CNTN1: variants seen among roughly 807,000 people sequenced by gnomAD.
CNTN1 encodes contactin-1.
In CNTN1, 38 loss-of-function variants were observed where a neutral mutation model predicts 126.4. The observed-to-expected ratio is 0.30, with a 90% CI of 0.23 to 0.39. The LOEUF is 0.39. Ranked by LOEUF, CNTN1 falls within the 10% of genes least tolerant of loss-of-function variation. CNTN1 has a pLI of 1.00. For synonymous variants in CNTN1, 413 were observed against 422.6 expected (o/e 0.98, Z 0.28); for missense variants, 1,009 against 1,248.4 (o/e 0.81, Z 2.89).
intron 15 of CNTN1, among the ~76,000 whole-genome samples, chr12:40,966,495 C>T (rs1047233369): frequency 6.6e-6 from 1 of 151,946 alleles, no homozygotes; most frequent in Non-Finnish European, 1.5e-5. Flanking sequence ...TTGTAATACA[C>T]AAAAGCTAAA....
At chr12:40,819,862 CCAGCTGGGT>C (rs1241432732) in intron 1 of CNTN1, among the ~76,000 whole-genome samples, 2 of 152,176 alleles carry the variant, frequency 1.3e-5, no homozygotes, top group East Asian at 3.9e-4. Context: ...GACAGTTTAC[CCAGCTGGGT>C]ATCGTGCTCA....
chr12:40,908,382 A>C lies in CNTN1; in HGVS notation c.-51A>C. ...GTGTTTAAAATTATCCAACTGCCAT[A>C]GAGCTAAATTCTTTTTTGGAAAATT... On this transcript the variant is annotated 5_prime_UTR_variant, in exon 2 of 24. An upstream open reading frame in the 5' UTR loses its in-frame stop. Coordinates refer to ENST00000551295, the MANE Select transcript of CNTN1 (RefSeq NM_001843.4). 3.4e-5 allele frequency: 47 copies of C among 1,392,030 alleles called. No homozygotes were observed. Among genetic ancestry groups the C allele is most frequent in the Non-Finnish European group, 4.4e-5 (43 of 979,290 alleles). The allele number at this position is 1,392,030 out of a possible 1,614,324, so 86.2% of individuals were successfully genotyped here.
intron 1 of CNTN1, among the ~76,000 whole-genome samples, chr12:40,813,399 G>A (rs1941157072): frequency 1.3e-5 from 2 of 151,786 alleles, no homozygotes; most frequent in African/African-American, 4.8e-5. Flanking sequence ...TTGTGTCCAC[G>A]TGTTCTCAAT....
At chr12:40,816,197 A>G (rs975674684) in intron 1 of CNTN1, among the ~76,000 whole-genome samples, 1 of 151,972 alleles carries the variant, frequency 6.6e-6, no homozygotes, top group South Asian at 2.1e-4. Flanking sequence ...CTCCTTTTCA[A>G]TTGTTTGGAA....
intron 1 of CNTN1, among the ~76,000 whole-genome samples, chr12:40,863,456 G>T (rs755157532): frequency 2.0e-5 from 3 of 152,082 alleles, no homozygotes; most frequent in Non-Finnish European, 4.4e-5. Flanking sequence ...AGGTTTATTG[G>T]CTATTCACAT....
intron 1 of CNTN1, among the ~76,000 whole-genome samples, chr12:40,728,559 A>T (rs1203025227): frequency 1.3e-5 from 2 of 152,192 alleles, no homozygotes; most frequent in East Asian, 3.8e-4. Context: ...TTGGCTATCC[A>T]CATTCTATAG....
At chr12:40,992,757 C>T (rs2120501070) in intron 16 of CNTN1, among the ~76,000 whole-genome samples, 1 of 152,186 alleles carries the variant, frequency 6.6e-6, no homozygotes, top group Admixed American at 6.5e-5. Flanking sequence ...TCCAATTGTA[C>T]CTTTATCTCA....
rs192387461 is a variant in CNTN1, at chr12:40,854,614, C to A, written c.-76-53743C>A. The stretch of plus-strand genomic sequence containing the variant: ...ATTTAAAATATGAGGATTTAAGGAG[C>A]CAAAGGCAGATCAGCAAGTGAAAGC... On this transcript the variant is annotated intron_variant, in intron 1 of 23. Transcript: ENST00000551295. Among the ~76,000 whole-genome samples, 875 of 152,204 alleles carry A rather than the reference C, an allele frequency of 5.7e-3. 4 individuals are homozygous for A. Among genetic ancestry groups the A allele is most frequent in the South Asian group, 0.012 (60 of 4,828 alleles).
intron 1 of CNTN1, among the ~76,000 whole-genome samples, chr12:40,693,295 T>C (rs1272306548): frequency 6.6e-6 from 1 of 152,330 alleles, no homozygotes; most frequent in South Asian, 2.1e-4. Context: ...CCTGGCGCTG[T>C]CTACGGGAAC....
intron 19 of CNTN1, 38 bp downstream of exon 19, chr12:41,016,954 G>GA: frequency 2.0e-6 from 3 of 1,533,918 alleles, no homozygotes; most frequent in Non-Finnish European, 2.7e-6. Flanking sequence ...GAGGAGGGAG[G>GA]AAAAACGTAT....
At chr12:40,993,075 A>G (rs1164209691) in intron 16 of CNTN1, 45 bp from the exon 17 acceptor site, 1 of 1,539,358 alleles carries the variant, frequency 6.5e-7, no homozygotes, top group East Asian at 2.2e-5. Context: ...TAAAAGTGAT[A>G]AGTTAATCAA....
intron 23 of CNTN1, among the ~76,000 whole-genome samples, chr12:41,038,741 G>A (rs1949327373): frequency 6.6e-6 from 1 of 151,986 alleles, no homozygotes; most frequent in Admixed American, 6.6e-5. Flanking sequence ...AAGCGAGGAG[G>A]CAAAATAAAT....
chr12:40,718,458 C>G (rs1027668516), intron 1 of CNTN1, among the ~76,000 whole-genome samples: 8 of 152,150 alleles, frequency 5.3e-5, no homozygotes, highest in African/African-American at 1.7e-4. Context: ...GGATTACAGG[C>G]GTGAGCCATC....
At chr12:40,758,185 T>C (rs1938687162) in intron 1 of CNTN1, among the ~76,000 whole-genome samples, 1 of 151,446 alleles carries the variant, frequency 6.6e-6, no homozygotes, top group African/African-American at 2.4e-5. Flanking sequence ...TGTAATCACA[T>C]CAGTGATTTA....
chr12:40,875,878 C>T (rs776335710), intron 1 of CNTN1, among the ~76,000 whole-genome samples: 2 of 151,840 alleles, frequency 1.3e-5, no homozygotes, highest in Non-Finnish European at 2.9e-5. Flanking sequence ...GAATAAACAC[C>T]AAGGAATGCA....
At chr12:40,899,655 C>G (rs1293736224) in intron 1 of CNTN1, among the ~76,000 whole-genome samples, 1 of 152,102 alleles carries the variant, frequency 6.6e-6, no homozygotes, top group Non-Finnish European at 1.5e-5. Flanking sequence ...CGAAAATATT[C>G]CAACCTTCAC....
intron 1 of CNTN1, among the ~76,000 whole-genome samples, chr12:40,889,545 G>T (rs761856088): frequency 2.6e-5 from 4 of 152,230 alleles, no homozygotes; most frequent in Admixed American, 6.5e-5. Context: ...CCATGTGATA[G>T]GTGTTGTGGT....
intron 17 of CNTN1, among the ~76,000 whole-genome samples, chr12:40,997,548 A>T (rs891187590): frequency 1.3e-5 from 2 of 152,226 alleles, no homozygotes; most frequent in African/African-American, 4.8e-5. Context: ...ATGTGATGTT[A>T]GTTGCTGTCA....
chr12:41,001,446 GGTT>G (rs961241159), intron 17 of CNTN1, among the ~76,000 whole-genome samples: 13 of 151,864 alleles, frequency 8.6e-5, no homozygotes, highest in Non-Finnish European at 1.6e-4. Flanking sequence ...TTTTTAATGG[GGTT>G]GTTTTTTCTT....
Sources: allele counts gnomAD v4.1 joint callset (sites outside exome capture counted in the v4.1 genomes callset), GRCh38; gene constraint gnomAD v4.1.1; transcripts MANE v1.5; gene names NCBI Gene and HGNC (gene_info 2026-07-23, HGNC 2026-07-21).